Variants in CACNA1B observed in about 807,000 individuals in gnomAD.
The protein encoded by CACNA1B is voltage-dependent N-type calcium channel subunit alpha-1B.
In CACNA1B, 70 loss-of-function variants were observed where a neutral mutation model predicts 247.2. That is an observed-to-expected ratio of 0.28 (90% CI 0.23 to 0.35). The LOEUF (loss-of-function observed/expected upper bound fraction) is 0.35, where lower values mean the gene tolerates loss of function less well. CACNA1B is among the 10% of genes least tolerant of loss of function. The pLI, the probability that CACNA1B is intolerant of heterozygous loss-of-function variation, is 1.00. For synonymous variants in CACNA1B, 1,231 were observed against 1,294.4 expected (o/e 0.95, Z 1.05); for missense variants, 2,367 against 3,197.4 (o/e 0.74, Z 6.26).
Position 137,905,107 on chromosome 9 carries a change from C to T in CACNA1B, c.531-8073C>T, listed in dbSNP as rs556217401. Among the ~76,000 whole-genome samples the T allele has an allele frequency of 3.9e-4, 60 of 152,272 alleles. No homozygotes were observed. The Middle Eastern group carries it at 0.017, about 43-fold the overall frequency. On this transcript the variant is annotated intron_variant, in intron 3 of 46. Transcript: ENST00000371372. ...TGGTGGCTTATACCTGTAATCCCAG[C>T]ACTTTGGGAGGCCGAGGCGGGTGGA...
intron 37 of CACNA1B, 40 bp downstream of exon 37, chr9:138,096,651 C>A: frequency 6.3e-7 from 1 of 1,589,840 alleles, no homozygotes; most frequent in East Asian, 2.3e-5. Context: ...TGGGGGTGGT[C>A]CATGCCCATA....
intron 15 of CACNA1B, among the ~76,000 whole-genome samples, chr9:137,989,430 A>G (rs1028583322): frequency 1.3e-5 from 2 of 152,148 alleles, no homozygotes; most frequent in African/African-American, 4.8e-5. Context: ...GGTGCGAAAG[A>G]GAGGGTGGCC....
Position 138,120,728 on chromosome 9 carries a change from G to A in CACNA1B, c.6336G>A (p.Gln2112=). The A allele has an allele frequency of 6.5e-7, 1 of 1,537,690 alleles. No individual in the cohort carries two copies. Among genetic ancestry groups the A allele is most frequent in the Non-Finnish European group, 8.7e-7 (1 of 1,144,110 alleles). The change falls in exon 46 of 47, where the codon CAG becomes CAA. Residue 2112 remains glutamine, a synonymous_variant. Transcript: ENST00000371372. The stretch of plus-strand genomic sequence containing the variant: ...GCCGGCAGGAGCGGGGCCGGTCCCA[G>A]GAGCGGAGGCAGCCCTCATCCTCCT... ...RERRQERGRS[Q]ERRQPSSSSS...
chr9:138,096,913 T>A (rs1961075504), intron 37 of CACNA1B, among the ~76,000 whole-genome samples: 1 of 151,142 alleles, frequency 6.6e-6, no homozygotes, highest in East Asian at 1.9e-4. Flanking sequence ...TTCAAGGGGC[T>A]TGTGAGACTC....
rs747747547 is a variant in CACNA1B at position 137,986,713 on chromosome 9, C to T, written c.1902-69C>T. 122 of 1,431,684 alleles carry T rather than the reference C, an allele frequency of 8.5e-5. No homozygotes were observed. The highest frequency in any genetic ancestry group is 1.1e-4 in the Non-Finnish European group (115 of 1,014,644). The allele number at this position is 1,431,684 out of a possible 1,614,324, so 88.7% of individuals were successfully genotyped here. ...CTGAAGCGAGCAGGTTGAGGCCACG[C>T]TGGAGCCTGCAGGCGCTGCCTCGCT... On this transcript the variant is annotated intron_variant, in intron 14 of 46. Transcript: ENST00000371372. This position sits in a 1 kb window ranked among gnomAD's most constrained non-coding sequence, Gnocchi z 6.0.
At position 138,094,103 on chromosome 9, in the gene CACNA1B, G is replaced by A. The variant is rs561323986; in HGVS notation, c.5095-2381G>A. 5.3e-5 allele frequency among the ~76,000 whole-genome samples: 8 copies of A among 152,274 alleles called. No homozygotes were observed. In the South Asian group the frequency reaches 8.3e-4, roughly 16 times the overall value. ...TTATTCAGCCTTAAAAAGGAAGAGC[G>A]TTCTGACACATTCTACAATGTGAAT... On this transcript the variant is annotated intron_variant, in intron 36 of 46. Coordinates refer to ENST00000371372, the MANE Select transcript of CACNA1B (RefSeq NM_000718.4).
chr9:137,924,339 TCCTCCTTCCCTC>T (rs1231798454), intron 6 of CACNA1B, among the ~76,000 whole-genome samples: 1 of 146,264 alleles, frequency 6.8e-6, no homozygotes, highest in Non-Finnish European at 1.5e-5. Flanking sequence ...CTCCCTTCCT[TCCTCCTTCCCTC>T]CCTCCTTCCC....
chr9:138,098,158 A>G (rs1400102336), intron 37 of CACNA1B, among the ~76,000 whole-genome samples: 1 of 152,210 alleles, frequency 6.6e-6, no homozygotes, highest in African/African-American at 2.4e-5. Context: ...GTATATGACA[A>G]TTTCCGTGGC....
At chr9:138,016,872 G>A (rs972953431) in intron 18 of CACNA1B, among the ~76,000 whole-genome samples, 4 of 152,218 alleles carry the variant, frequency 2.6e-5, no homozygotes, top group South Asian at 2.1e-4. Flanking sequence ...ATGGGCCCCC[G>A]AGCTAATGGC....
intron 41 of CACNA1B, among the ~76,000 whole-genome samples, chr9:138,114,739 T>C (rs921323417): frequency 6.6e-6 from 1 of 152,068 alleles, no homozygotes; most frequent in South Asian, 2.1e-4. Flanking sequence ...GGGCCAGAAG[T>C]TGAGGGCTGG....
At chr9:137,898,972 A>G (rs556732005) in intron 3 of CACNA1B, among the ~76,000 whole-genome samples, 4 of 151,784 alleles carry the variant, frequency 2.6e-5, no homozygotes, top group Admixed American at 1.3e-4. Flanking sequence ...GAGTCTAACT[A>G]TGTTGCCCAG....
At chr9:138,066,879 A>T (rs753280530) in intron 31 of CACNA1B, among the ~76,000 whole-genome samples, 1 of 152,228 alleles carries the variant, frequency 6.6e-6, no homozygotes. Flanking sequence ...GAAGAAAAGT[A>T]TAAGAATAGA....
chr9:137,965,896 A>T (rs939147443), intron 10 of CACNA1B, among the ~76,000 whole-genome samples: 1 of 152,086 alleles, frequency 6.6e-6, no homozygotes, highest in Non-Finnish European at 1.5e-5. Context: ...TTTATTTTTT[A>T]TGAAGTTCCT....
chr9:138,039,285 A>G (rs780434739), intron 20 of CACNA1B, among the ~76,000 whole-genome samples: 43 of 151,196 alleles, frequency 2.8e-4, no homozygotes, highest in Admixed American at 3.3e-4. Flanking sequence ...TAGGATTTTA[A>G]TCTCACTTTT....
chr9:138,065,891 T>C (rs921578090), intron 31 of CACNA1B, among the ~76,000 whole-genome samples: 1 of 152,106 alleles, frequency 6.6e-6, no homozygotes, highest in Admixed American at 6.5e-5. Flanking sequence ...TTCAGCAGTT[T>C]TAATGCTACA....
intron 36 of CACNA1B, among the ~76,000 whole-genome samples, chr9:138,091,910 C>G (rs1960892426): frequency 6.6e-6 from 1 of 152,176 alleles, no homozygotes; most frequent in Non-Finnish European, 1.5e-5. Flanking sequence ...AATTTTACAG[C>G]TGGGCCTCCG....
At chr9:137,962,513 T>A (rs1199463644) in intron 10 of CACNA1B, among the ~76,000 whole-genome samples, 1 of 152,156 alleles carries the variant, frequency 6.6e-6, no homozygotes, top group East Asian at 1.9e-4. Flanking sequence ...CTTTTTGGTA[T>A]GGGCATTTAG....
rs140701771 is a variant in CACNA1B at position 137,909,740 on chromosome 9, T to A, written c.531-3440T>A. On this transcript the variant is annotated intron_variant, in intron 3 of 46. Coordinates refer to ENST00000371372, the MANE Select transcript of CACNA1B (RefSeq NM_000718.4). The stretch of plus-strand genomic sequence containing the variant: ...TAGCTAGAAGGGGAATTGCTGGATC[T>A]TATGTTAATTCTATGTTTAACTTTT... 2.1e-3 allele frequency among the ~76,000 whole-genome samples: 322 copies of A among 152,332 alleles called. 1 individual carries two copies. Among genetic ancestry groups the A allele is most frequent in the South Asian group, 0.012 (58 of 4,826 alleles).
intron 6 of CACNA1B, among the ~76,000 whole-genome samples, chr9:137,948,787 T>G (rs995076601): frequency 1.3e-5 from 2 of 148,896 alleles, no homozygotes; most frequent in Non-Finnish European, 3.0e-5. Flanking sequence ...GGTATGTGTG[T>G]GGTGTGTGTG....
Sources: allele counts gnomAD v4.1 joint callset (sites outside exome capture counted in the v4.1 genomes callset), GRCh38; gene constraint gnomAD v4.1.1; non-coding constraint Gnocchi (gnomAD v3.1); transcripts MANE v1.5; gene names NCBI Gene and HGNC (gene_info 2026-07-23, HGNC 2026-07-21).